PPFIBP1: variants seen among roughly 807,000 people sequenced by gnomAD.
PPFIBP1 encodes the protein liprin-beta-1.
PPFIBP1 carries 112 observed loss-of-function variants against 137.8 expected under a neutral mutation model. The observed-to-expected ratio is 0.81, with a 90% confidence interval of 0.70 to 0.95. PPFIBP1 has a LOEUF of 0.95. Among genes scored for constraint, PPFIBP1 ranks in the 40% least tolerant of loss-of-function variants. PPFIBP1 has a pLI of 0.00. For synonymous variants in PPFIBP1, 378 were observed against 417.3 expected (o/e 0.91, Z 1.15); for missense variants, 1,083 against 1,196.6 (o/e 0.91, Z 1.40).
intron 4 of PPFIBP1, among the ~76,000 whole-genome samples, chr12:27,641,204 A>G (rs150853888): frequency 1.3e-5 from 2 of 152,322 alleles, no homozygotes; most frequent in African/African-American, 2.4e-5. Flanking sequence ...TTAGATACTT[A>G]CCATTCTGAT....
intron 17 of PPFIBP1, among the ~76,000 whole-genome samples, chr12:27,675,737 C>T (rs771357566): frequency 6.6e-6 from 1 of 152,138 alleles, no homozygotes; most frequent in Non-Finnish European, 1.5e-5. Flanking sequence ...TAGATGAAAA[C>T]ATAGGGGAAA....
intron 24 of PPFIBP1, 62 bp from the exon 25 acceptor site, chr12:27,687,323 C>G (rs1566018773): frequency 1.9e-6 from 3 of 1,558,562 alleles, no homozygotes; most frequent in Non-Finnish European, 2.6e-6. Context: ...CTGAGATTCC[C>G]TAAGAAAGTC....
intron 5 of PPFIBP1, 67 bp downstream of exon 5, chr12:27,646,215 C>T (rs1362209007): frequency 1.6e-6 from 2 of 1,272,574 alleles, no homozygotes; most frequent in African/African-American, 3.0e-5. Context: ...ATTGGGGTGG[C>T]AAATTCAGAT....
At chr12:27,663,339 G>A (rs12582733) in intron 11 of PPFIBP1, among the ~76,000 whole-genome samples, 17,450 of 152,222 alleles carry the variant, frequency 0.11, 1,630 homozygotes, top group African/African-American at 0.25. Context: ...ACACAGTTGA[G>A]CACATGGGAA....
chr12:27,533,419 G>T (rs943256927), intron 1 of PPFIBP1, among the ~76,000 whole-genome samples: 1 of 152,054 alleles, frequency 6.6e-6, no homozygotes, highest in African/African-American at 2.4e-5. Context: ...CCCATATTAC[G>T]ATGAGGAATC....
chr12:27,596,453 G>C (rs773053226), intron 2 of PPFIBP1, among the ~76,000 whole-genome samples: 15 of 152,138 alleles, frequency 9.9e-5, no homozygotes, highest in African/African-American at 3.1e-4. Context: ...TTGTGGACCT[G>C]GATTAATCCT....
Position 27,646,159 on chromosome 12 carries a change from T to C in PPFIBP1, c.357+11T>C, listed in dbSNP as rs766325112. On this transcript the variant is annotated intron_variant, in intron 5 of 29. Coordinates refer to ENST00000228425, the MANE Select transcript of PPFIBP1 (RefSeq NM_003622.4). Reference sequence around the variant, plus strand: ...TCCCTCGTTCTTCAGGCAAGTGATTTTTAAATACTGTTCTTTCCTTGCAGC... The same window carrying C: ...TCCCTCGTTCTTCAGGCAAGTGATTCTTAAATACTGTTCTTTCCTTGCAGC... The C allele has an allele frequency of 6.3e-7, 1 of 1,583,684 alleles. No homozygotes were observed. The highest frequency in any genetic ancestry group is 8.7e-7 in the Non-Finnish European group (1 of 1,153,150).
At chr12:27,644,082 TG>T in intron 4 of PPFIBP1, among the ~76,000 whole-genome samples, 1 of 151,810 alleles carries the variant, frequency 6.6e-6, no homozygotes, top group African/African-American at 2.4e-5. Flanking sequence ...TCAGTTTGTT[TG>T]TTTGTTTTCT....
At chr12:27,583,055 G>C (rs2051305898) in intron 2 of PPFIBP1, among the ~76,000 whole-genome samples, 1 of 152,094 alleles carries the variant, frequency 6.6e-6, no homozygotes, top group South Asian at 2.1e-4. Flanking sequence ...ATATTTTTGA[G>C]GAAAAGGTCA....
intron 9 of PPFIBP1, among the ~76,000 whole-genome samples, chr12:27,657,944 C>CA (rs1019575135): frequency 2.0e-5 from 3 of 151,668 alleles, no homozygotes; most frequent in South Asian, 2.1e-4. Context: ...CCTGTCTCTA[C>CA]AAAAAATTTC....
At chr12:27,602,067 G>T (rs2137785023) in intron 2 of PPFIBP1, among the ~76,000 whole-genome samples, 1 of 152,342 alleles carries the variant, frequency 6.6e-6, no homozygotes, top group East Asian at 1.9e-4. Flanking sequence ...GGACAGAGCT[G>T]CTCTAGACAG....
chr12:27,678,877 A>C (rs868271573), intron 19 of PPFIBP1, among the ~76,000 whole-genome samples: 48 of 113,312 alleles, frequency 4.2e-4, no homozygotes, highest in Middle Eastern at 4.7e-3. Flanking sequence ...AAAAAAAAAA[A>C]AAAACATTTA....
chr12:27,647,422 C>T (rs1439942161), intron 5 of PPFIBP1, among the ~76,000 whole-genome samples: 1 of 152,134 alleles, frequency 6.6e-6, no homozygotes, highest in South Asian at 2.1e-4. Context: ...CACGCTGCCC[C>T]CTAAAAAGAT....
chr12:27,679,872 T>C (rs1304043000), intron 20 of PPFIBP1, 61 bp from the exon 21 acceptor site: 9 of 1,589,234 alleles, frequency 5.7e-6, no homozygotes, highest in African/African-American at 4.1e-5. Context: ...AAAAATGTTC[T>C]GATTAACAAG....
chr12:27,550,993 T>TATATATATATATA (rs1565751277), intron 1 of PPFIBP1, among the ~76,000 whole-genome samples: 13 of 93,986 alleles, frequency 1.4e-4, no homozygotes, highest in African/African-American at 5.5e-4. Flanking sequence ...ATATATATAT[T>TATATATATATATA]TTTTTTTTTT....
At chr12:27,623,125 A>G (rs1173406153) in intron 2 of PPFIBP1, among the ~76,000 whole-genome samples, 2 of 152,160 alleles carry the variant, frequency 1.3e-5, no homozygotes, top group African/African-American at 4.8e-5. Context: ...CTGTGAAGGA[A>G]AATAGAGATA....
intron 1 of PPFIBP1, among the ~76,000 whole-genome samples, chr12:27,556,753 A>G (rs2048734104): frequency 6.6e-6 from 1 of 152,236 alleles, no homozygotes; most frequent in African/African-American, 2.4e-5. Context: ...GTCTCTCAGA[A>G]TTACTAACAA....
chr12:27,550,712 T>G (rs960183198), intron 1 of PPFIBP1, among the ~76,000 whole-genome samples: 6 of 152,174 alleles, frequency 3.9e-5, no homozygotes, highest in Admixed American at 3.9e-4. Context: ...ACCTTTAAAA[T>G]TAACGAAATG....
At chr12:27,528,768 G>A (rs564913779) in intron 1 of PPFIBP1, among the ~76,000 whole-genome samples, 4 of 152,170 alleles carry the variant, frequency 2.6e-5, no homozygotes, top group South Asian at 2.1e-4. Context: ...TTAAGTTTAC[G>A]CACTTTTTAG....
Sources: gnomAD v4.1 joint callset for allele counts (sites outside exome capture counted in the v4.1 genomes callset) on GRCh38, gnomAD v4.1.1 for gene constraint, MANE v1.5 for transcripts, NCBI Gene and HGNC (gene_info 2026-07-23, HGNC 2026-07-21) for gene names.